ZPBP: variants seen among roughly 807,000 people sequenced by gnomAD.
The protein encoded by ZPBP is zona pellucida binding protein.
In ZPBP, 26 loss-of-function variants were observed where a neutral mutation model predicts 44.8. That is an observed-to-expected ratio of 0.58 (90% confidence interval 0.43 to 0.81). The LOEUF is 0.81. Among genes scored for constraint, ZPBP ranks in the 30% least tolerant of loss-of-function variants. The pLI is 0.00. For missense variants in ZPBP, 409 were observed against 434.0 expected, an observed-to-expected ratio of 0.94 and a Z score of 0.51; for synonymous variants, 174 against 153.2, an observed-to-expected ratio of 1.14 and a Z score of -1.00.
intron 2 of ZPBP, among the ~76,000 whole-genome samples, chr7:49,876,315 C>G (rs891723701): frequency 2.0e-5 from 3 of 152,100 alleles, no homozygotes; most frequent in African/African-American, 7.2e-5. Flanking sequence ...AAATGCTTTT[C>G]ATTTAAAAGA....
At chr7:49,997,927 T>G (rs950036070) in intron 6 of ZPBP, among the ~76,000 whole-genome samples, 3 of 152,176 alleles carry the variant, frequency 2.0e-5, no homozygotes, top group African/African-American at 7.2e-5. Context: ...TATTTATTCA[T>G]TTATTTTTGA....
At chr7:50,005,699 A>C (rs1429120678) in intron 6 of ZPBP, among the ~76,000 whole-genome samples, 1 of 151,916 alleles carries the variant, frequency 6.6e-6, no homozygotes, top group African/African-American at 2.4e-5. Flanking sequence ...AAAGGAAGAG[A>C]GTAAGGGAGG....
chr7:50,041,277 G>A (rs1800082708), intron 4 of ZPBP, among the ~76,000 whole-genome samples: 2 of 152,238 alleles, frequency 1.3e-5, no homozygotes, highest in Admixed American at 1.3e-4. Context: ...AAAGACAGCA[G>A]TGGATCTCCC....
chr7:49,937,429 TG>T (rs1794659149), downstream of ZPBP: 1 of 917,666 alleles, frequency 1.1e-6, no homozygotes, highest in African/African-American at 1.7e-5. Context: ...CACATTTTTT[TG>T]TAAAATATGA....
intron 7 of ZPBP, among the ~76,000 whole-genome samples, chr7:49,951,979 AT>A (rs1203205488): frequency 2.6e-5 from 4 of 151,922 alleles, no homozygotes; most frequent in Non-Finnish European, 1.5e-5. Flanking sequence ...AAAATAATAC[AT>A]ATTGTTTTAT....
intron 7 of ZPBP, chr7:49,944,396 A>G: frequency 5.1e-6 from 1 of 195,582 alleles, no homozygotes; most frequent in Admixed American, 6.2e-5. Flanking sequence ...GCTGGCATCG[A>G]AGAGGTTGAT....
chr7:49,860,023 G>A (rs937437141), intron 2 of ZPBP, among the ~76,000 whole-genome samples: 5 of 151,596 alleles, frequency 3.3e-5, no homozygotes, highest in African/African-American at 1.2e-4. Context: ...TACTCTTTAA[G>A]GGCTTCTTTA....
intron 2 of ZPBP, among the ~76,000 whole-genome samples, chr7:49,871,668 T>A (rs1289374384): frequency 6.6e-6 from 1 of 152,000 alleles, no homozygotes; most frequent in African/African-American, 2.4e-5. Context: ...AGAAACATAC[T>A]AGGATGATAC....
chr7:49,982,235 A>G (rs1797028935), intron 7 of ZPBP, among the ~76,000 whole-genome samples: 1 of 107,360 alleles, frequency 9.3e-6, no homozygotes, highest in Non-Finnish European at 1.7e-5. Context: ...ATAATATATA[A>G]TATAATTATA....
At chr7:50,067,602 T>C (rs796299410) in intron 3 of ZPBP, among the ~76,000 whole-genome samples, 1 of 152,198 alleles carries the variant, frequency 6.6e-6, no homozygotes, top group South Asian at 2.1e-4. Context: ...GTCTGGGTCC[T>C]TGAGGAGCTG....
downstream of ZPBP, among the ~76,000 whole-genome samples, chr7:49,936,559 T>C (rs1295533288): frequency 1.3e-5 from 2 of 152,140 alleles, no homozygotes; most frequent in Non-Finnish European, 2.9e-5. Context: ...GTTTATGTCT[T>C]AAGAGAGGAA....
intron 2 of ZPBP, among the ~76,000 whole-genome samples, chr7:49,896,642 C>G (rs1792396721): frequency 6.6e-6 from 1 of 151,518 alleles, no homozygotes; most frequent in African/African-American, 2.4e-5. Flanking sequence ...AAACACATAG[C>G]AAGACAAAGG....
chr7:50,040,677 C>T (rs1800038413), intron 4 of ZPBP, among the ~76,000 whole-genome samples: 1 of 152,176 alleles, frequency 6.6e-6, no homozygotes. Context: ...AGGAGATTCC[C>T]TCAGGTACCT....
At chr7:49,850,149 A>G (rs192428911), downstream of ZPBP, among the ~76,000 whole-genome samples, 1 of 152,330 alleles carries the variant, frequency 6.6e-6, no homozygotes, top group East Asian at 1.9e-4. Flanking sequence ...ACAGTGCTGT[A>G]ACGCAGTATT....
intron 4 of ZPBP, among the ~76,000 whole-genome samples, chr7:50,055,687 T>C (rs1324934184): frequency 1.3e-5 from 2 of 152,208 alleles, no homozygotes; most frequent in Admixed American, 6.5e-5. Flanking sequence ...AAGCAAGCAT[T>C]ATATAAATAT....
chr7:49,953,745 TCAAAAC>T (rs1364086211), intron 7 of ZPBP, among the ~76,000 whole-genome samples: 1 of 151,696 alleles, frequency 6.6e-6, no homozygotes, highest in Non-Finnish European at 1.5e-5. Flanking sequence ...AAATAAACAA[TCAAAAC>T]CAAACTGGAA....
intron 4 of ZPBP, among the ~76,000 whole-genome samples, chr7:50,033,678 G>GTTTATTTA (rs56856262): frequency 0.23 from 33,519 of 148,376 alleles, 4,232 homozygotes; most frequent in Non-Finnish European, 0.29. Flanking sequence ...TCTTTCTACA[G>GTTTATTTA]TTTATTTATT....
chr7:50,029,930 A>C (rs1799524418), intron 5 of ZPBP, among the ~76,000 whole-genome samples: 1 of 152,162 alleles, frequency 6.6e-6, no homozygotes, highest in Admixed American at 6.5e-5. Flanking sequence ...ATCTCGGCTC[A>C]CTGAAACCTC....
At chr7:49,884,674 C>G (rs1791819545) in intron 2 of ZPBP, among the ~76,000 whole-genome samples, 1 of 152,258 alleles carries the variant, frequency 6.6e-6, no homozygotes, top group South Asian at 2.1e-4. Flanking sequence ...GAGAGCAGGA[C>G]CTGCTGCCTG....
Sources: gnomAD v4.1 joint callset for allele counts (sites outside exome capture counted in the v4.1 genomes callset) on GRCh38, gnomAD v4.1.1 for gene constraint, MANE v1.5 for transcripts, NCBI Gene and HGNC (gene_info 2026-07-23, HGNC 2026-07-21) for gene names.